IFT56: variants seen among roughly 807,000 people sequenced by gnomAD.
The protein encoded by IFT56 is intraflagellar transport 56.
At chr7:139,163,843 G>A in the IFT56 span, among the ~76,000 whole-genome samples, 1 of 152,128 alleles carries the variant, frequency 6.6e-6, no homozygotes, top group Non-Finnish European at 1.5e-5. Context: ...TCTGAAAAAG[G>A]AACCAAAAAA....
At chr7:139,140,578 G>A in the IFT56 span, among the ~76,000 whole-genome samples, 5 of 151,868 alleles carry the variant, frequency 3.3e-5, no homozygotes, top group African/African-American at 7.2e-5. Context: ...TCAGGAGTTC[G>A]AGACCTGCCT....
the IFT56 span, among the ~76,000 whole-genome samples, chr7:139,136,790 C>T: frequency 6.6e-6 from 1 of 152,138 alleles, no homozygotes; most frequent in Non-Finnish European, 1.5e-5. Context: ...CTGCTCTTTG[C>T]TCACATTCTT....
chr7:139,188,149 G>A, the IFT56 span, among the ~76,000 whole-genome samples: 3 of 146,862 alleles, frequency 2.0e-5, no homozygotes, highest in Non-Finnish European at 4.5e-5. Flanking sequence ...TGCCCAGGCT[G>A]GAGTGCAATG....
chr7:139,160,114 T>TA, the IFT56 span, among the ~76,000 whole-genome samples: 13 of 151,550 alleles, frequency 8.6e-5, no homozygotes, highest in South Asian at 4.2e-4. Flanking sequence ...AGAAGAGTGA[T>TA]AAAAAAAAAT....
the IFT56 span, among the ~76,000 whole-genome samples, chr7:139,135,218 G>T: frequency 2.1e-5 from 3 of 145,868 alleles, no homozygotes; most frequent in Non-Finnish European, 4.4e-5. Context: ...GGCGGAGGTT[G>T]CAGTGAGCCA....
chr7:139,149,814 T>G, the IFT56 span, among the ~76,000 whole-genome samples: 1 of 152,200 alleles, frequency 6.6e-6, no homozygotes. Flanking sequence ...TATTACCTCC[T>G]TTTGTTTCAT....
the IFT56 span, chr7:139,191,139 CTTT>C: frequency 3.9e-5 from 6 of 152,178 alleles, no homozygotes; most frequent in African/African-American, 1.4e-4. Flanking sequence ...GTTTTTCTGT[CTTT>C]TATCTTTAGA....
At chr7:139,168,436 T>C in the IFT56 span, 5 of 1,515,810 alleles carry the variant, frequency 3.3e-6, no homozygotes, top group Non-Finnish European at 4.6e-6. Flanking sequence ...GGTTGCAAAG[T>C]TATAAGTGTA....
At chr7:139,169,208 C>A in the IFT56 span, 78 of 1,223,748 alleles carry the variant, frequency 6.4e-5, no homozygotes, top group Admixed American at 8.6e-4. Flanking sequence ...TAAATCCTGA[C>A]AAATATGTTA....
chr7:139,185,438 C>T, the IFT56 span, among the ~76,000 whole-genome samples: 1 of 151,976 alleles, frequency 6.6e-6, no homozygotes, highest in East Asian at 1.9e-4. Context: ...ATTATTAATA[C>T]TTCAAAATAA....
At chr7:139,178,898 TAA>T in the IFT56 span, among the ~76,000 whole-genome samples, 3 of 147,016 alleles carry the variant, frequency 2.0e-5, no homozygotes, top group Non-Finnish European at 3.0e-5. Context: ...CCCTGTCTCT[TAA>T]AAAAAAAAAA....
chr7:139,137,441 C>G, the IFT56 span, among the ~76,000 whole-genome samples: 1 of 152,168 alleles, frequency 6.6e-6, no homozygotes, highest in Admixed American at 6.5e-5. Context: ...GGTGACAACA[C>G]GGGCTTTGGA....
At chr7:139,149,258 T>C in the IFT56 span, among the ~76,000 whole-genome samples, 1 of 147,532 alleles carries the variant, frequency 6.8e-6, no homozygotes, top group Non-Finnish European at 1.5e-5. Flanking sequence ...TGAGCCGAGA[T>C]GGTGCCACTG....
the IFT56 span, among the ~76,000 whole-genome samples, chr7:139,140,713 T>C: frequency 7.3e-6 from 1 of 136,122 alleles, no homozygotes; most frequent in African/African-American, 2.8e-5. Context: ...AGGCGGAGGT[T>C]GCAGTGAGCC....
At chr7:139,184,302 T>A in the IFT56 span, among the ~76,000 whole-genome samples, 1 of 152,180 alleles carries the variant, frequency 6.6e-6, no homozygotes. Flanking sequence ...GCGTCATCAG[T>A]TTCACCATCC....
the IFT56 span, among the ~76,000 whole-genome samples, chr7:139,140,868 G>A: frequency 2.0e-5 from 3 of 151,308 alleles, no homozygotes; most frequent in Admixed American, 1.3e-4. Context: ...ATGTTTGATA[G>A]GGAAGAATGT....
chr7:139,173,068 CT>C, the IFT56 span: 1 of 731,892 alleles, frequency 1.4e-6, no homozygotes. Context: ...AGCTTTGCGC[CT>C]TTTGTGGGTG....
chr7:139,179,498 TA>T, the IFT56 span: 1 of 1,243,338 alleles, frequency 8.0e-7, no homozygotes. Flanking sequence ...ATCATCAATC[TA>T]AGGCAAGCCA....
At chr7:139,177,886 G>C in the IFT56 span, among the ~76,000 whole-genome samples, 2 of 152,020 alleles carry the variant, frequency 1.3e-5, no homozygotes, top group Admixed American at 6.5e-5. Flanking sequence ...TGGAGACCAG[G>C]CCACACTAAT....
Sources: gnomAD v4.1 joint callset for allele counts (sites outside exome capture counted in the v4.1 genomes callset) on GRCh38, gnomAD v4.1.1 for gene constraint, MANE v1.5 for transcripts, NCBI Gene and HGNC (gene_info 2026-07-23, HGNC 2026-07-21) for gene names.